TSPEAR: variants seen among roughly 807,000 people sequenced by gnomAD.
The protein encoded by TSPEAR is thrombospondin type laminin G domain and EAR repeats.
TSPEAR carries 69 observed loss-of-function variants against 71.6 expected under a neutral mutation model. That is an observed-to-expected ratio of 0.96 (90% confidence interval 0.79 to 1.18). TSPEAR has a LOEUF of 1.18. TSPEAR is among the 50% of genes most tolerant of loss of function. The pLI is 0.00. For synonymous variants in TSPEAR, 402 were observed against 387.2 expected (o/e 1.04, Z -0.45); for missense variants, 971 against 894.9 (o/e 1.09, Z -1.09).
rs116570045 is a variant in TSPEAR at position 44,664,592 on chromosome 21, A to G, written c.82+46841T>C. ...ATCTATATGGAAAGACAAAGAAACT[A>G]GAGTAGCCTAAACAACTTCTTAAAA... On this transcript the variant is annotated intron_variant, in intron 1 of 11. Transcript: ENST00000323084. Among the ~76,000 whole-genome samples, 1,455 of 152,326 alleles carry G rather than the reference A, an allele frequency of 9.6e-3. 32 individuals carry two copies. The highest frequency in any genetic ancestry group is 0.033 in the African/African-American group (1,373 of 41,574).
intron 1 of TSPEAR, among the ~76,000 whole-genome samples, chr21:44,619,842 G>A (rs1982333050): frequency 6.6e-6 from 1 of 152,194 alleles, no homozygotes; most frequent in Non-Finnish European, 1.5e-5. Context: ...AGGAGCAGAT[G>A]AGAGAATGAA....
chr21:44,579,258 C>A (rs111693865), intron 1 of TSPEAR, among the ~76,000 whole-genome samples: 3 of 152,122 alleles, frequency 2.0e-5, no homozygotes, highest in African/African-American at 7.2e-5. Flanking sequence ...CTCAGGAAGA[C>A]CCAGGCATGG....
chr21:44,654,160 G>T, intron 1 of TSPEAR: 1 of 796,782 alleles, frequency 1.3e-6, no homozygotes, highest in East Asian at 2.6e-5. Flanking sequence ...GAGGCAGGCG[G>T]TCTAGTCAGG....
intron 2 of TSPEAR, among the ~76,000 whole-genome samples, chr21:44,560,625 A>G (rs587691128): frequency 6.6e-6 from 1 of 152,372 alleles, no homozygotes; most frequent in East Asian, 1.9e-4. Flanking sequence ...TGAAATCATA[A>G]CAAAGTCTAC....
In TSPEAR at chr21:44,574,458, T is replaced by G. The variant is rs78156555; in HGVS notation, c.83-6453A>C. On this transcript the variant is annotated intron_variant, in intron 1 of 11. Coordinates refer to ENST00000323084, the MANE Select transcript of TSPEAR (RefSeq NM_144991.3). ...GCAGGCCTGCTGCGTGCCCGTCTGC[T>G]GCAAGACTGTCTGCTGCAAGCCTGT... 2.5e-3 allele frequency: 3,930 copies of G among 1,602,634 alleles called. 76 individuals carry two copies. The African/African-American group carries it at 0.047, about 19-fold the overall frequency.
At chr21:44,615,132 G>T (rs782751597) in intron 1 of TSPEAR, among the ~76,000 whole-genome samples, 2 of 152,250 alleles carry the variant, frequency 1.3e-5, no homozygotes, top group African/African-American at 4.8e-5. Context: ...ACTCCGCCAT[G>T]GGCAGTGCTG....
At chr21:44,564,496 GATAAA>G (rs782017131) in intron 2 of TSPEAR, among the ~76,000 whole-genome samples, 7 of 151,982 alleles carry the variant, frequency 4.6e-5, no homozygotes, top group Non-Finnish European at 1.0e-4. Flanking sequence ...ACTGCTGTCC[GATAAA>G]ATAAATTTTA....
chr21:44,548,040 G>A (rs931919308), intron 2 of TSPEAR, among the ~76,000 whole-genome samples: 1 of 152,180 alleles, frequency 6.6e-6, no homozygotes. Flanking sequence ...ATGTTTTCTG[G>A]CTGATACCTT....
At chr21:44,504,285 G>A (rs1370994142) in intron 11 of TSPEAR, among the ~76,000 whole-genome samples, 3 of 144,986 alleles carry the variant, frequency 2.1e-5, no homozygotes, top group Non-Finnish European at 4.5e-5. Flanking sequence ...GCAGGGCTCT[G>A]GGAGGAAGCC....
intron 2 of TSPEAR, chr21:44,550,751 G>A: frequency 3.1e-6 from 5 of 1,614,190 alleles, no homozygotes; most frequent in Non-Finnish European, 3.4e-6. Context: ...AGCACACGGG[G>A]CGGCAGAGGA....
intron 11 of TSPEAR, among the ~76,000 whole-genome samples, chr21:44,501,339 T>TA (rs1555911072): frequency 6.6e-6 from 1 of 152,140 alleles, no homozygotes; most frequent in African/African-American, 2.4e-5. Context: ...CTCATGCCTG[T>TA]AATCCCAGCA....
chr21:44,612,021 G>A lies in TSPEAR; in HGVS notation c.83-44016C>T, dbSNP rs1981708109. 1.4e-6 allele frequency: 2 copies of A among 1,406,596 alleles called. No homozygotes were observed. Among genetic ancestry groups the A allele is most frequent in the South Asian group, 2.6e-5 (2 of 78,312 alleles). 87.1% of individuals were successfully genotyped at this position (1,406,596 alleles called of 1,614,324 possible). A position where few individuals can be genotyped will look rare whatever the true frequency, so the allele number is the denominator to read the frequency against. ...TCCTGTGAGGAAAATACCCAGGGAG[G>A]GTATAAAACCTCAGCAGCCAGGGCA... On this transcript the variant is annotated intron_variant, in intron 1 of 11. Coordinates refer to ENST00000323084, the MANE Select transcript of TSPEAR (RefSeq NM_144991.3). The surrounding 1 kb of genome is among the most constrained non-coding windows in gnomAD (Gnocchi z 4.1).
rs1345357972 is a variant in TSPEAR, at chr21:44,506,343, C to G, written c.1755-1462G>C. Among the ~76,000 whole-genome samples, 1 of 152,266 alleles carries G rather than the reference C, an allele frequency of 6.6e-6. No individual in the cohort carries two copies. The highest frequency in any genetic ancestry group is 2.4e-5 in the African/African-American group (1 of 41,476). On this transcript the variant is annotated intron_variant, in intron 10 of 11. Coordinates refer to ENST00000323084, the MANE Select transcript of TSPEAR (RefSeq NM_144991.3). This position sits in a 1 kb window ranked among gnomAD's most constrained non-coding sequence, Gnocchi z 4.2. ...AGGAAATGGAGGTCGAAGCCATGCA[C>G]ACGCAGGCGTCCTGCTGACATGCAG...
At chr21:44,681,195 T>A (rs1420976644) in intron 1 of TSPEAR, among the ~76,000 whole-genome samples, 1 of 152,196 alleles carries the variant, frequency 6.6e-6, no homozygotes, top group Non-Finnish European at 1.5e-5. Context: ...CTAATCCAGT[T>A]CTGTAAACCT....
intron 2 of TSPEAR, among the ~76,000 whole-genome samples, chr21:44,534,968 A>T (rs189369923): frequency 6.6e-6 from 1 of 152,354 alleles, no homozygotes; most frequent in African/African-American, 2.4e-5. Flanking sequence ...ATGCTGACAC[A>T]TGCTGCAACA....
intron 1 of TSPEAR, chr21:44,601,701 T>C (rs370964879): frequency 7.4e-6 from 12 of 1,611,970 alleles, no homozygotes; most frequent in Middle Eastern, 1.7e-4. Flanking sequence ...CGGCCTGCTG[T>C]GGCCCCACCT....
At chr21:44,569,124 TCG>T (rs1218048607) in intron 1 of TSPEAR, among the ~76,000 whole-genome samples, 5 of 152,154 alleles carry the variant, frequency 3.3e-5, no homozygotes, top group African/African-American at 1.2e-4. Flanking sequence ...GCCACGTGCA[TCG>T]CAGTGCCACA....
rs1172038538 is a variant in TSPEAR, at chr21:44,566,223, T to TA, written c.303+1561dup. Among the ~76,000 whole-genome samples the TA allele has an allele frequency of 2.3e-3, 356 of 152,234 alleles. 1 individual carries two copies. The highest frequency in any genetic ancestry group is 8.1e-3 in the African/African-American group (337 of 41,518). On this transcript the variant is annotated intron_variant, in intron 2 of 11. Transcript: ENST00000323084. The stretch of plus-strand genomic sequence containing the variant: ...AACGGTATTTCTATATATTTGCAAT[T>TA]AACAAGCCAAACATGAAATTATTTA...
At chr21:44,526,782 C>T (rs1460391558) in intron 7 of TSPEAR, among the ~76,000 whole-genome samples, 1 of 152,250 alleles carries the variant, frequency 6.6e-6, no homozygotes, top group African/African-American at 2.4e-5. Context: ...TGTCAACCAT[C>T]TCCCAGACCC....
Sources: allele counts gnomAD v4.1 joint callset (sites outside exome capture counted in the v4.1 genomes callset), GRCh38; gene constraint gnomAD v4.1.1; non-coding constraint Gnocchi (gnomAD v3.1); transcripts MANE v1.5; gene names NCBI Gene and HGNC (gene_info 2026-07-23, HGNC 2026-07-21).